Variants in CPED1 observed in about 807,000 individuals in gnomAD.
CPED1 encodes the protein cadherin like and PC-esterase domain containing 1, also known as cadherin-like and PC-esterase domain-containing protein 1.
In CPED1, 114 loss-of-function variants were observed where a neutral mutation model predicts 128.2. The ratio of observed to expected loss-of-function variants is 0.89; its 90% CI spans 0.76 to 1.04. The LOEUF (loss-of-function observed/expected upper bound fraction) is 1.04, where lower values mean the gene tolerates loss of function less well. CPED1 is among the 50% of genes least tolerant of loss of function. CPED1 has a pLI of 0.00. For synonymous variants in CPED1, 462 were observed against 426.7 expected, an observed-to-expected ratio of 1.08 and a Z score of -1.02; for missense variants, 1,211 against 1,207.1, an observed-to-expected ratio of 1.00 and a Z score of -0.05.
At position 121,047,011 on chromosome 7, in the gene CPED1, G is replaced by C; in HGVS notation, c.540+18G>C. On this transcript the variant is annotated intron_variant, in intron 4 of 22. Transcript: ENST00000310396. Reference sequence around the variant, plus strand: ...ATCAAAAGGTAAATACTCTCAAGATGTGCACAGATTTTATCAGCCCTACAG... The same window carrying C: ...ATCAAAAGGTAAATACTCTCAAGATCTGCACAGATTTTATCAGCCCTACAG... 6.7e-7 allele frequency: 1 copy of C among 1,495,984 alleles called. No individual in the cohort carries two copies. Among genetic ancestry groups the C allele is most frequent in the Non-Finnish European group, 9.3e-7 (1 of 1,073,528 alleles). 92.7% of individuals were successfully genotyped at this position (1,495,984 alleles called of 1,614,324 possible).
intron 2 of CPED1, among the ~76,000 whole-genome samples, chr7:121,006,465 A>T (rs1792018373): frequency 6.6e-6 from 1 of 152,060 alleles, no homozygotes; most frequent in Non-Finnish European, 1.5e-5. Context: ...GTTAAGTGCT[A>T]TGTGAGTGTC....
intron 7 of CPED1, 58 bp from the exon 8 acceptor site, chr7:121,124,273 A>T: frequency 6.7e-7 from 1 of 1,496,592 alleles, no homozygotes; most frequent in Non-Finnish European, 9.0e-7. Flanking sequence ...TCACCTTGAA[A>T]ATGATAGACA....
intron 2 of CPED1, among the ~76,000 whole-genome samples, chr7:120,991,612 CTTTG>C (rs969506352): frequency 5.9e-5 from 9 of 152,168 alleles, no homozygotes; most frequent in Non-Finnish European, 1.2e-4. Context: ...GTGATTCCTA[CTTTG>C]TTTGTAATTT....
intron 5 of CPED1, among the ~76,000 whole-genome samples, chr7:121,092,566 C>G (rs1182880235): frequency 6.6e-6 from 1 of 152,200 alleles, no homozygotes; most frequent in Non-Finnish European, 1.5e-5. Context: ...AATAACCCTT[C>G]TCTTCTAACT....
Position 121,267,231 on chromosome 7 carries a change from A to G in CPED1, c.2650A>G (p.Ile884Val), listed in dbSNP as rs759381759. ...CTCATTCAGGGAAAATTTACTCAAT[A>G]TCCTAGTGATCATCAAAACTTTGGG... is the stretch of plus-strand genomic sequence containing the variant. Reference protein sequence around the residue: ...KVLKRENLLNILVIIKTLGIG... With the variant: ...KVLKRENLLNVLVIIKTLGIG... The change falls in exon 21 of 23, where the codon ATC (isoleucine) becomes GTC (valine). Residue 884 changes from isoleucine to valine, a missense_variant. By Grantham distance (29) the Ile-to-Val change is conservative. Transcript: ENST00000310396. The G allele has an allele frequency of 6.3e-7, 1 of 1,588,834 alleles. No homozygotes were observed. Among genetic ancestry groups the G allele is most frequent in the East Asian group, 2.3e-5 (1 of 44,410 alleles).
chr7:121,128,474 A>T lies in CPED1; in HGVS notation c.1395A>T (p.Gly465=). 1.3e-6 allele frequency: 2 copies of T among 1,558,150 alleles called. No homozygotes were observed. Among genetic ancestry groups the T allele is most frequent in the Non-Finnish European group, 1.8e-6 (2 of 1,129,138 alleles). ...MTFIKELGSL[G]QFQLLFPSTT... ...TCATAAAGGAACTTGGAAGTCTGGGACAATTCCAACTGGTAAAGCAAAAGT... is the reference window on the plus strand; with the variant it reads ...TCATAAAGGAACTTGGAAGTCTGGGTCAATTCCAACTGGTAAAGCAAAAGT... The change falls in exon 11 of 23, where the codon GGA becomes GGT. Residue 465 remains glycine (G), a synonymous_variant. Transcript: ENST00000310396.
intron 22 of CPED1, among the ~76,000 whole-genome samples, chr7:121,293,683 G>GT (rs1300016460): frequency 6.6e-6 from 1 of 152,126 alleles, no homozygotes; most frequent in Non-Finnish European, 1.5e-5. Context: ...GAAGACTGGG[G>GT]TAAAAGCATA....
intron 2 of CPED1, among the ~76,000 whole-genome samples, chr7:120,990,071 A>G (rs1354236080): frequency 6.6e-6 from 1 of 152,204 alleles, no homozygotes; most frequent in East Asian, 1.9e-4. Flanking sequence ...AAGTTCTGGC[A>G]TTACTTTATC....
intron 2 of CPED1, among the ~76,000 whole-genome samples, chr7:120,999,570 A>G (rs1791769917): frequency 6.6e-6 from 1 of 152,064 alleles, no homozygotes; most frequent in South Asian, 2.1e-4. Flanking sequence ...ATAAATTTTT[A>G]TATTGTAACT....
intron 5 of CPED1, among the ~76,000 whole-genome samples, chr7:121,093,097 A>G (rs1241120648): frequency 6.6e-6 from 1 of 152,182 alleles, no homozygotes; most frequent in Non-Finnish European, 1.5e-5. Context: ...GCACAAGACG[A>G]ACACTCATTG....
intron 16 of CPED1, among the ~76,000 whole-genome samples, chr7:121,204,005 C>T (rs956538978): frequency 1.6e-4 from 24 of 152,148 alleles, no homozygotes; most frequent in South Asian, 4.1e-4. Flanking sequence ...TCCCAACCCT[C>T]GCTTTCAGGG....
intron 22 of CPED1, among the ~76,000 whole-genome samples, chr7:121,285,513 C>G (rs756207420): frequency 6.6e-6 from 1 of 152,102 alleles, no homozygotes; most frequent in Non-Finnish European, 1.5e-5. Flanking sequence ...TCCTCTTGAA[C>G]ACTTGCTGGT....
intron 3 of CPED1, among the ~76,000 whole-genome samples, chr7:121,037,083 T>C (rs1047912559): frequency 6.6e-6 from 1 of 152,186 alleles, no homozygotes; most frequent in African/African-American, 2.4e-5. Context: ...TTTCCCTCTG[T>C]GGATTGTCTG....
chr7:121,028,376 A>C (rs1438923365), intron 3 of CPED1, among the ~76,000 whole-genome samples: 2 of 152,176 alleles, frequency 1.3e-5, no homozygotes, highest in African/African-American at 4.8e-5. Flanking sequence ...GTAGCCAAAC[A>C]ATTCCTCATT....
At chr7:121,225,305 A>T (rs552143937) in intron 16 of CPED1, among the ~76,000 whole-genome samples, 1 of 152,050 alleles carries the variant, frequency 6.6e-6, no homozygotes, top group African/African-American at 2.4e-5. Flanking sequence ...ATTGGCCCCC[A>T]CTCTCTTCTG....
chr7:121,097,566 A>G lies in CPED1; in HGVS notation c.617-133A>G, dbSNP rs1197192968. The stretch of plus-strand genomic sequence containing the variant: ...TTCATACTTAGTGGATCCATTTTTG[A>G]TTCAGAATGGGGAGAAAAATGGTTG... On this transcript the variant is annotated intron_variant, in intron 5 of 22. Coordinates refer to ENST00000310396, the MANE Select transcript of CPED1 (RefSeq NM_024913.5). 21 of 972,708 alleles carry G rather than the reference A, an allele frequency of 2.2e-5. No homozygotes were observed. In the East Asian group the frequency reaches 4.4e-4, roughly 20 times the overall value. The allele number at this position is 972,708 out of a possible 1,614,324, so 60.3% of individuals were successfully genotyped here. A position where few individuals can be genotyped will look rare whatever the true frequency, so the allele number is the denominator to read the frequency against.
At chr7:121,221,742 G>A (rs992087314) in intron 16 of CPED1, among the ~76,000 whole-genome samples, 1 of 152,128 alleles carries the variant, frequency 6.6e-6, no homozygotes, top group African/African-American at 2.4e-5. Context: ...TAATGTGTGT[G>A]TTGGCTGCAT....
At chr7:121,096,155 A>G (rs1425232838) in intron 5 of CPED1, among the ~76,000 whole-genome samples, 3 of 152,152 alleles carry the variant, frequency 2.0e-5, no homozygotes, top group Non-Finnish European at 2.9e-5. Flanking sequence ...AGCCATTTGA[A>G]TATTTCCTTT....
chr7:121,133,318 A>T (rs1337402190), intron 12 of CPED1, among the ~76,000 whole-genome samples: 8 of 152,116 alleles, frequency 5.3e-5, no homozygotes, highest in Non-Finnish European at 7.4e-5. Flanking sequence ...AGGTGAACAC[A>T]CCAGAATTTA....
Sources: allele counts gnomAD v4.1 joint callset (sites outside exome capture counted in the v4.1 genomes callset), GRCh38; gene constraint gnomAD v4.1.1; transcripts MANE v1.5; gene names NCBI Gene and HGNC (gene_info 2026-07-23, HGNC 2026-07-21).